The following TRAPPC2L variants were observed in gnomAD, a reference collection of about 807,000 sequenced individuals.
TRAPPC2L encodes trafficking protein particle complex subunit 2-like protein.
In TRAPPC2L, 17 loss-of-function variants were observed where a neutral mutation model predicts 13.2. That is an observed-to-expected ratio of 1.29 (90% CI 0.88 to 1.93). The LOEUF is 1.93. TRAPPC2L is among the 30% of genes most tolerant of loss of function. The probability of loss-of-function intolerance (pLI) is 0.00; values close to 1 mark genes in which losing one functional copy is unlikely to be tolerated. For missense variants in TRAPPC2L, 359 were observed against 252.1 expected, an observed-to-expected ratio of 1.42 and a Z score of -2.87; for synonymous variants, 150 against 98.1, an observed-to-expected ratio of 1.53 and a Z score of -3.12.
Position 88,861,939 on chromosome 16 carries a change from G to A in TRAPPC2L, c.*1615G>A, listed in dbSNP as rs566117682. ...AGTGTTAATTTTAGAAATTATAGAAGAAAAAATCAGCAAGGAGTGTGGGAA... is the reference window on the plus strand; with the variant it reads ...AGTGTTAATTTTAGAAATTATAGAAAAAAAAATCAGCAAGGAGTGTGGGAA... On this transcript the variant is annotated 3_prime_UTR_variant, in exon 4 of 4. Coordinates refer to ENST00000565504, the Ensembl canonical transcript of TRAPPC2L. 20 of 250,718 alleles carry A rather than the reference G, an allele frequency of 8.0e-5. No individual in the cohort carries two copies. The East Asian group carries it at 2.8e-3, about 35-fold the overall frequency. 15.5% of individuals were successfully genotyped at this position (250,718 alleles called of 1,614,324 possible). A position where few individuals can be genotyped will look rare whatever the true frequency, so the allele number is the denominator to read the frequency against.
intron 1 of TRAPPC2L, among the ~76,000 whole-genome samples, chr16:88,858,391 C>T (rs529505068): frequency 1.4e-4 from 21 of 152,250 alleles, no homozygotes; most frequent in Admixed American, 3.9e-4. Context: ...TTTTCTTTTC[C>T]GCCCACCCTA....
chr16:88,860,460 T>C (rs28573790), exon 4 of TRAPPC2L: 30,021 of 602,882 alleles, frequency 0.05, 2,444 homozygotes, highest in African/African-American at 0.28. Flanking sequence ...AGACTTGCTT[T>C]CAGTGAGTCC....
At chr16:88,860,828 G>A in exon 4 of TRAPPC2L, 5 of 1,440,980 alleles carry the variant, frequency 3.5e-6, no homozygotes, top group Non-Finnish European at 4.8e-6. Flanking sequence ...AGCATCCTGT[G>A]GATGGAGCCA....
exon 4 of TRAPPC2L, chr16:88,861,503 G>A: frequency 2.7e-6 from 1 of 369,018 alleles, no homozygotes; most frequent in Non-Finnish European, 5.5e-6. Context: ...GAGCCCTTGT[G>A]AAACCTGGGA....
At chr16:88,859,555 C>T (rs750123424) in intron 2 of TRAPPC2L, 108 bp from the exon 3 acceptor site, 1 of 1,058,300 alleles carries the variant, frequency 9.4e-7, no homozygotes, top group South Asian at 1.2e-5. Context: ...CCAGCATGGG[C>T]ATTTCCTGTG....
At chr16:88,860,860 G>A (rs759515102) in exon 4 of TRAPPC2L, 7 of 1,553,152 alleles carry the variant, frequency 4.5e-6, no homozygotes, top group Non-Finnish European at 6.1e-6. Context: ...CCGTCTCTGA[G>A]CAGAGGGGTG....
upstream of TRAPPC2L, chr16:88,856,967 G>T (rs1967958338): frequency 1.4e-6 from 2 of 1,407,042 alleles, no homozygotes; most frequent in East Asian, 3.0e-5. Context: ...GGCGGGGCCT[G>T]GACGGCCACG....
At chr16:88,861,146 T>C in exon 4 of TRAPPC2L, 1 of 621,058 alleles carries the variant, frequency 1.6e-6, no homozygotes, top group Non-Finnish European at 2.8e-6. Context: ...CAGCCAAGGA[T>C]TTAATTAAGA....
At chr16:88,857,169 G>C (rs1967978725) in exon 1 of TRAPPC2L, 1 of 1,582,290 alleles carries the variant, frequency 6.3e-7, no homozygotes, top group East Asian at 2.4e-5. Context: ...GTGCATCGCG[G>C]TGATTGCCAA....
exon 4 of TRAPPC2L, chr16:88,861,120 CT>C: frequency 3.0e-6 from 2 of 675,158 alleles, no homozygotes; most frequent in Non-Finnish European, 5.1e-6. Flanking sequence ...GGAGATTTGG[CT>C]TTTTCCTTCC....
chr16:88,857,275 A>G, intron 1 of TRAPPC2L, 92 bp downstream of exon 1: 1 of 1,217,706 alleles, frequency 8.2e-7, no homozygotes, highest in Non-Finnish European at 1.1e-6. Context: ...AAGGCACCTT[A>G]GGAAATGGGA....
intron 3 of TRAPPC2L, 40 bp from the exon 4 acceptor site, chr16:88,859,853 G>C (rs1567556965): frequency 6.3e-7 from 1 of 1,581,062 alleles, no homozygotes; most frequent in Non-Finnish European, 8.6e-7. Context: ...CAGTGGCTGT[G>C]TGTATGTGGC....
upstream of TRAPPC2L, chr16:88,857,086 G>C: frequency 1.3e-6 from 2 of 1,537,408 alleles, no homozygotes; most frequent in South Asian, 2.4e-5. Flanking sequence ...ATGGGGCGGG[G>C]CTTTGGAGGC....
chr16:88,857,125 C>G (rs1240134573), upstream of TRAPPC2L: 2 of 1,548,506 alleles, frequency 1.3e-6, no homozygotes, highest in East Asian at 2.5e-5. Context: ...TCACGTGACG[C>G]GGTGCCTGGC....
chr16:88,860,598 G>A lies in TRAPPC2L; in HGVS notation c.*274G>A, dbSNP rs113134745. The A allele has an allele frequency of 5.7e-3, 3,352 of 586,148 alleles. 81 individuals carry two copies. The highest frequency in any genetic ancestry group is 0.055 in the African/African-American group (2,943 of 53,722). The allele number at this position is 586,148 out of a possible 1,614,324, so 36.3% of individuals were successfully genotyped here. A position where few individuals can be genotyped will look rare whatever the true frequency, so the allele number is the denominator to read the frequency against. ...TGGTCCCAGATGGGAGCAGGCAGGC[G>A]AATGTCCACAGTCTTGCCTCCTGGG... On this transcript the variant is annotated 3_prime_UTR_variant, in exon 4 of 4. Transcript: ENST00000565504.
intron 2 of TRAPPC2L, 78 bp downstream of exon 2, chr16:88,858,869 C>T (rs1294328725): frequency 4.8e-6 from 7 of 1,466,014 alleles, no homozygotes; most frequent in African/African-American, 2.8e-5. Context: ...AACTTGAAAC[C>T]TTTTAGAAGA....
upstream of TRAPPC2L, chr16:88,856,399 C>CGG: frequency 1.4e-6 from 1 of 701,566 alleles, no homozygotes; most frequent in Non-Finnish European, 2.6e-6. Flanking sequence ...GAGTAGAGGG[C>CGG]GGGAAAGGTC....
Position 88,859,751 on chromosome 16 carries a change from G to C in TRAPPC2L, c.294+1G>C, listed in dbSNP as rs372192905. 3 of 1,613,320 alleles carry C rather than the reference G, an allele frequency of 1.9e-6. No homozygotes were observed. The East Asian group carries it at 6.7e-5, about 36-fold the overall frequency. ...CCTTCGAGACAACGAAATTCGCAGC[G>C]TAAGTCAGGGAGTTAGAGGGCCACG... is the stretch of plus-strand genomic sequence containing the variant. On this transcript the variant is annotated splice_donor_variant, in intron 3 of 3. Coordinates refer to ENST00000565504, the Ensembl canonical transcript of TRAPPC2L. LOFTEE classifies it high-confidence loss of function.
At chr16:88,861,705 G>T in exon 4 of TRAPPC2L, 1 of 471,758 alleles carries the variant, frequency 2.1e-6, no homozygotes. Context: ...CGTCCTTGGG[G>T]TCCAGCGGTC....
Sources: gnomAD v4.1 joint callset for allele counts (sites outside exome capture counted in the v4.1 genomes callset) on GRCh38, gnomAD v4.1.1 for gene constraint, MANE v1.5 for transcripts, NCBI Gene and HGNC (gene_info 2026-07-23, HGNC 2026-07-21) for gene names.